The following B9D1 variants were observed in gnomAD, a reference collection of about 807,000 sequenced individuals.
B9D1 encodes B9 domain-containing protein 1.
A neutral mutation model predicts 26.1 loss-of-function variants in B9D1; 20 were observed. The observed-to-expected ratio is 0.77, with a 90% CI of 0.54 to 1.12. B9D1 has a LOEUF of 1.12. B9D1 is among the 50% of genes most tolerant of loss of function. The probability of loss-of-function intolerance (pLI) is 0.00; values close to 1 mark genes in which losing one functional copy is unlikely to be tolerated. For missense variants in B9D1, 260 were observed against 273.7 expected (o/e 0.95, Z 0.35); for synonymous variants, 105 against 103.1 (o/e 1.02, Z -0.11).
downstream of B9D1, chr17:19,335,306 C>T: frequency 7.9e-7 from 1 of 1,262,926 alleles, no homozygotes. Flanking sequence ...GGCTATTTTT[C>T]TTACGAATAT....
intron 2 of B9D1, among the ~76,000 whole-genome samples, chr17:19,358,960 G>A (rs550185376): frequency 9.2e-5 from 14 of 152,278 alleles, no homozygotes; most frequent in African/African-American, 2.9e-4. Context: ...ACTTCTAAGT[G>A]CTCAGGCTAA....
chr17:19,371,482 T>G (rs1262409029), intron 1 of B9D1: 1 of 152,228 alleles, frequency 6.6e-6, no homozygotes, highest in Non-Finnish European at 1.5e-5. Flanking sequence ...GAAGTGAGAC[T>G]GAGGCTCAGA....
At chr17:19,344,362 A>G (rs1354482088) in intron 5 of B9D1, 3 of 235,180 alleles carry the variant, frequency 1.3e-5, no homozygotes, top group African/African-American at 4.7e-5. Flanking sequence ...TGTGGGGTCC[A>G]GGACATGTCA....
intron 1 of B9D1, chr17:19,377,852 A>G (rs1404938105): frequency 1.0e-6 from 1 of 985,246 alleles, no homozygotes; most frequent in Non-Finnish European, 1.2e-6. Flanking sequence ...GAGCGGAGGG[A>G]AGATACCTAG....
chr17:19,335,574 T>C, downstream of B9D1: 1 of 1,129,858 alleles, frequency 8.9e-7, no homozygotes. Context: ...GGGGTGCTTC[T>C]GTGCCCACGG....
At chr17:19,349,423 T>C (rs527634266) in intron 3 of B9D1, among the ~76,000 whole-genome samples, 2 of 151,772 alleles carry the variant, frequency 1.3e-5, no homozygotes, top group African/African-American at 4.8e-5. Context: ...TCTTGCTCTG[T>C]TGCCCAGGCT....
rs2152276151 is a variant in B9D1 at position 19,360,328 on chromosome 17, G to T, written c.124C>A (p.Pro42Thr). ...YCFVYGQDWA[P>T]TAGLEEGISQ... ...CCAAGAGTCCAGCTTACCGCTGTGG[G>T]GGCCCAGTCCTGGCCGTACACAAAG... Residue 42 changes from proline (P) to threonine (T), a missense_variant, in exon 2 of 7, where the codon CCC becomes ACC. Physicochemically the swap from Pro to Thr is conservative, Grantham distance 38 (BLOSUM62 -1). Coordinates refer to ENST00000261499, the MANE Select transcript of B9D1 (RefSeq NM_015681.6). 2 of 1,613,962 alleles carry T rather than the reference G, an allele frequency of 1.2e-6. No individual in the cohort carries two copies. The highest frequency in any genetic ancestry group is 1.7e-6 in the Non-Finnish European group (2 of 1,180,006).
At chr17:19,368,938 A>G (rs1369699538) in intron 1 of B9D1, among the ~76,000 whole-genome samples, 1 of 151,900 alleles carries the variant, frequency 6.6e-6, no homozygotes, top group Non-Finnish European at 1.5e-5. Context: ...ACAAAAACAA[A>G]CCCAGAACCA....
At position 19,358,783 on chromosome 17, in the gene B9D1, G is replaced by C. The variant is rs527845991; in HGVS notation, c.133-832C>G. Among the ~76,000 whole-genome samples the C allele has an allele frequency of 2.0e-5, 3 of 152,256 alleles. No homozygotes were observed. The East Asian group carries it at 5.8e-4, about 29-fold the overall frequency. On this transcript the variant is annotated intron_variant, in intron 2 of 6. Coordinates refer to ENST00000261499, the MANE Select transcript of B9D1 (RefSeq NM_015681.6). ...ATCTCATGGCTTTCAATGTGCTCTA[G>C]ATGTCGATGATTCCCAAATTTATGT...
chr17:19,357,679 G>A (rs745589763), intron 3 of B9D1, 161 bp downstream of exon 3: 7 of 681,770 alleles, frequency 1.0e-5, no homozygotes, highest in Admixed American at 1.0e-4. Flanking sequence ...AAGAAGAGGA[G>A]GGAAAGGGAC....
At chr17:19,335,445 C>G, downstream of B9D1, 2 of 1,549,982 alleles carry the variant, frequency 1.3e-6, no homozygotes, top group Non-Finnish European at 1.7e-6. Context: ...CAATGGAAAT[C>G]TGAAATGGAA....
chr17:19,362,746 G>C (rs1181984156), upstream of B9D1: 5 of 1,333,752 alleles, frequency 3.7e-6, no homozygotes, highest in Admixed American at 2.2e-5. Flanking sequence ...AACGGGCGCC[G>C]TTATAAGGGG....
chr17:19,368,873 G>A (rs1468484377), intron 1 of B9D1, among the ~76,000 whole-genome samples: 1 of 152,104 alleles, frequency 6.6e-6, no homozygotes, highest in African/African-American at 2.4e-5. Context: ...CTTGAGCCAG[G>A]GTTTGAGGAT....
upstream of B9D1, among the ~76,000 whole-genome samples, chr17:19,366,581 G>A (rs1437322044): frequency 6.6e-6 from 1 of 151,964 alleles, no homozygotes. Context: ...GAGACAAACC[G>A]ACTTCCCAAG....
intron 5 of B9D1, 43 bp from the exon 6 acceptor site, chr17:19,343,900 G>A (rs1908333872): frequency 1.9e-6 from 3 of 1,612,626 alleles, no homozygotes; most frequent in African/African-American, 1.3e-5. Flanking sequence ...CCCCACCTGG[G>A]CATTCCTGGT....
At chr17:19,344,325 C>T (rs535038119) in intron 5 of B9D1, among the ~76,000 whole-genome samples, 5 of 152,326 alleles carry the variant, frequency 3.3e-5, no homozygotes, top group East Asian at 1.9e-4. Flanking sequence ...AGGGCCAGAA[C>T]GGCTCCTCAG....
At chr17:19,374,668 T>G (rs1183742403) in intron 1 of B9D1, among the ~76,000 whole-genome samples, 1 of 152,322 alleles carries the variant, frequency 6.6e-6, no homozygotes, top group South Asian at 2.1e-4. Context: ...CTTGGTTAAA[T>G]AGGTTATATT....
At chr17:19,364,564 C>G (rs1042350988), upstream of B9D1, 2 of 152,310 alleles carry the variant, frequency 1.3e-5, no homozygotes, top group African/African-American at 4.8e-5. The surrounding 1 kb of genome is among the most constrained non-coding windows in gnomAD (Gnocchi z 4.3). Context: ...GCGATCTCAG[C>G]AGGACACTCT....
Position 19,347,105 on chromosome 17 carries a change from GC to G in B9D1, c.404+163del. On this transcript the variant is annotated intron_variant, in intron 5 of 6. Transcript: ENST00000261499. The surrounding 1 kb of genome is among the most constrained non-coding windows in gnomAD (Gnocchi z 4.3). ...TGCTGCTGGAACAGGGCTGAAGGGA[GC>G]CCCGTGACTCAGCACTCCCAGGGGA... 6.4e-7 allele frequency: 1 copy of G among 1,567,964 alleles called. No homozygotes were observed. The highest frequency in any genetic ancestry group is 8.6e-7 in the Non-Finnish European group (1 of 1,156,110).
Sources: allele counts gnomAD v4.1 joint callset (sites outside exome capture counted in the v4.1 genomes callset), GRCh38; gene constraint gnomAD v4.1.1; non-coding constraint Gnocchi (gnomAD v3.1); transcripts MANE v1.5; gene names NCBI Gene and HGNC (gene_info 2026-07-23, HGNC 2026-07-21).